Variants in PCDHA9 observed in about 807,000 individuals in gnomAD.
The protein encoded by PCDHA9 is protocadherin alpha 9, also known as protocadherin alpha-9.
PCDHA9 carries 62 observed loss-of-function variants against 62.0 expected under a neutral mutation model. The ratio of observed to expected loss-of-function variants is 1.00; its 90% CI spans 0.81 to 1.23. The LOEUF is 1.23. PCDHA9 is among the 50% of genes most tolerant of loss of function. The pLI, the probability that PCDHA9 is intolerant of heterozygous loss-of-function variation, is 0.00. For synonymous variants in PCDHA9, 557 were observed against 567.6 expected, an observed-to-expected ratio of 0.98 and a Z score of 0.27; for missense variants, 1,205 against 1,249.8, an observed-to-expected ratio of 0.96 and a Z score of 0.54.
chr5:140,986,638 G>A (rs185773882), intron 3 of PCDHA9, among the ~76,000 whole-genome samples: 18 of 152,282 alleles, frequency 1.2e-4, no homozygotes, highest in Non-Finnish European at 2.6e-4. Flanking sequence ...CAGTACATTA[G>A]TTTTAGAGTG....
At position 140,870,131 on chromosome 5, in the gene PCDHA9, A is replaced by G. The variant is rs782486118; in HGVS notation, c.2394+19242A>G. The G allele has an allele frequency of 2.6e-5, 42 of 1,613,870 alleles. No individual in the cohort carries two copies. In the Admixed American group the frequency reaches 4.2e-4, roughly 16 times the overall value. On this transcript the variant is annotated intron_variant, in intron 1 of 3. Coordinates refer to ENST00000532602, the MANE Select transcript of PCDHA9 (RefSeq NM_031857.2). Reference sequence around the variant, plus strand: ...GTCTGGGTGGAAATCTTGGACACCAACGATAACTCTCCTGAAGTCGCCGTG... The same window carrying G: ...GTCTGGGTGGAAATCTTGGACACCAGCGATAACTCTCCTGAAGTCGCCGTG...
chr5:140,872,802 A>T (rs533671542), intron 1 of PCDHA9, among the ~76,000 whole-genome samples: 128 of 152,330 alleles, frequency 8.4e-4, no homozygotes, highest in Admixed American at 2.4e-3. Flanking sequence ...GCATTCTTCC[A>T]TAAGTTTTTC....
Position 140,848,948 on chromosome 5 carries a change from G to A in PCDHA9, c.453G>A (p.Arg151=), listed in dbSNP as rs782183548. The A allele has an allele frequency of 6.2e-7, 1 of 1,607,010 alleles. No individual in the cohort carries two copies. Among genetic ancestry groups the A allele is most frequent in the African/African-American group, 1.4e-5 (1 of 73,482 alleles). The change falls in exon 1 of 4, where the codon CGG becomes CGA. Residue 151 remains arginine, a synonymous_variant. Coordinates refer to ENST00000532602, the MANE Select transcript of PCDHA9 (RefSeq NM_031857.2). ...FIAESRPLDS[R]FPLEGASDAD... ...CGGAATCCAGGCCGCTTGACTCTCG[G>A]TTTCCACTAGAGGGCGCGTCCGATG...
At chr5:140,922,181 A>G (rs2080696715) in intron 1 of PCDHA9, among the ~76,000 whole-genome samples, 1 of 152,324 alleles carries the variant, frequency 6.6e-6, no homozygotes, top group South Asian at 2.1e-4. Context: ...GCAGACAAAA[A>G]AAAAGTCTTA....
chr5:140,961,510 T>C (rs1201672141), intron 1 of PCDHA9, among the ~76,000 whole-genome samples: 1 of 152,246 alleles, frequency 6.6e-6, no homozygotes, highest in Non-Finnish European at 1.5e-5. Context: ...CTTTGTTTAA[T>C]GTCTCCACAA....
intron 1 of PCDHA9, chr5:140,884,567 A>T (rs1562807924): frequency 6.2e-7 from 1 of 1,614,120 alleles, no homozygotes; most frequent in Non-Finnish European, 8.5e-7. Context: ...CCCGCATAAG[A>T]CGGACCTCAT....
At position 140,926,602 on chromosome 5, in the gene PCDHA9, C is replaced by T. The variant is rs1326525373; in HGVS notation, c.2395-52347C>T. 9 of 324,032 alleles carry T rather than the reference C, an allele frequency of 2.8e-5. No homozygotes were observed. The East Asian group carries it at 4.7e-4, about 17-fold the overall frequency. The allele number at this position is 324,032 out of a possible 1,614,324, so 20.1% of individuals were successfully genotyped here. On this transcript the variant is annotated intron_variant, in intron 1 of 3. Coordinates refer to ENST00000532602, the MANE Select transcript of PCDHA9 (RefSeq NM_031857.2). ...CCTCTCGCGCCCGGGCGGGCGGCCT[C>T]GTCTCTGCACCCCTAGGCGGCGCTG...
chr5:140,915,222 C>T (rs2153533644), intron 1 of PCDHA9, among the ~76,000 whole-genome samples: 1 of 152,292 alleles, frequency 6.6e-6, no homozygotes, highest in South Asian at 2.1e-4. Context: ...GCTGGGATTA[C>T]AGGCATGAGC....
chr5:140,902,885 T>C (rs2069815301), intron 1 of PCDHA9, among the ~76,000 whole-genome samples: 1 of 152,238 alleles, frequency 6.6e-6, no homozygotes, highest in Admixed American at 6.5e-5. Context: ...CTGCAAAAGC[T>C]ATTATTTTAT....
Position 140,966,227 on chromosome 5 carries a change from A to T in PCDHA9, c.2395-12722A>T, listed in dbSNP as rs556655692. The T allele has an allele frequency of 3.7e-5, 10 of 270,804 alleles. No individual in the cohort carries two copies. The South Asian group carries it at 1.7e-3, about 46-fold the overall frequency. 16.8% of individuals were successfully genotyped at this position (270,804 alleles called of 1,614,324 possible). On this transcript the variant is annotated intron_variant, in intron 1 of 3. Coordinates refer to ENST00000532602, the MANE Select transcript of PCDHA9 (RefSeq NM_031857.2). ...CTGCTTTTCCCAGACTAATCTCCTT[A>T]AAGACCCGTTAAGCAGGGGAGAGAC...
intron 1 of PCDHA9, chr5:140,851,257 T>A: frequency 9.2e-7 from 1 of 1,087,842 alleles, no homozygotes; most frequent in East Asian, 4.1e-5. Context: ...GCATAGTATT[T>A]TAGTCTACTT....
chr5:140,921,367 T>A (rs1165325497), intron 1 of PCDHA9, among the ~76,000 whole-genome samples: 1 of 152,182 alleles, frequency 6.6e-6, no homozygotes, highest in Non-Finnish European at 1.5e-5. Context: ...TCAAGTTTCA[T>A]ATTTCTACAT....
chr5:140,922,830 A>G (rs2081013341), intron 1 of PCDHA9, among the ~76,000 whole-genome samples: 1 of 152,264 alleles, frequency 6.6e-6, no homozygotes, highest in Admixed American at 6.5e-5. Context: ...TACTGCTAAT[A>G]GATGTCCTCA....
chr5:140,977,433 A>G (rs939711301), intron 1 of PCDHA9, among the ~76,000 whole-genome samples: 6 of 152,218 alleles, frequency 3.9e-5, no homozygotes, highest in Non-Finnish European at 7.3e-5. Flanking sequence ...TAACACCGCT[A>G]GTAGATAATG....
intron 1 of PCDHA9, chr5:140,854,000 C>CA (rs112540154): frequency 0.023 from 8,090 of 347,992 alleles, 12 homozygotes; most frequent in Middle Eastern, 0.03. Flanking sequence ...TCATCTCTGC[C>CA]AAAAAAAAAA....
intron 1 of PCDHA9, chr5:140,967,306 C>A (rs1554229415): frequency 1.2e-6 from 2 of 1,612,350 alleles, no homozygotes; most frequent in Non-Finnish European, 1.7e-6. Context: ...TGGGCGCCAA[C>A]TCAGTACAGA....
chr5:140,925,108 G>GGAAGGAAGGAAGGAAGGAA (rs1554202548), intron 1 of PCDHA9, among the ~76,000 whole-genome samples: 8 of 124,780 alleles, frequency 6.4e-5, no homozygotes, highest in South Asian at 4.6e-4. Context: ...GAAGGAAGGA[G>GGAAGGAAGGAAGGAAGGAA]GGAAGGAAGG....
chr5:140,855,191 C>T (rs1029956602), intron 1 of PCDHA9, among the ~76,000 whole-genome samples: 1 of 149,742 alleles, frequency 6.7e-6, no homozygotes, highest in East Asian at 1.9e-4. Flanking sequence ...CAAATTGAGG[C>T]CTGAGAATAG....
chr5:140,919,115 T>G (rs2079009343), intron 1 of PCDHA9, among the ~76,000 whole-genome samples: 1 of 152,228 alleles, frequency 6.6e-6, no homozygotes, highest in Non-Finnish European at 1.5e-5. Context: ...TTCTGCCAGT[T>G]TTTGCTTCAT....
Sources: allele counts gnomAD v4.1 joint callset (sites outside exome capture counted in the v4.1 genomes callset), GRCh38; gene constraint gnomAD v4.1.1; transcripts MANE v1.5; gene names NCBI Gene and HGNC (gene_info 2026-07-23, HGNC 2026-07-21).